SOCS2: variants seen among roughly 807,000 people sequenced by gnomAD.
SOCS2 encodes suppressor of cytokine signaling 2.
In SOCS2, 10 loss-of-function variants were observed where a neutral mutation model predicts 18.6. The observed-to-expected ratio is 0.54, with a 90% CI of 0.33 to 0.91. The LOEUF (loss-of-function observed/expected upper bound fraction) is 0.91. Ranked by LOEUF, SOCS2 falls within the 40% of genes least tolerant of loss-of-function variation. The probability of loss-of-function intolerance (pLI) is 0.02; values close to 1 mark genes in which losing one functional copy is unlikely to be tolerated. For synonymous variants in SOCS2, 104 were observed against 104.0 expected, an observed-to-expected ratio of 1.00 and a Z score of 0.00; for missense variants, 231 against 247.2, an observed-to-expected ratio of 0.93 and a Z score of 0.44.
downstream of SOCS2, among the ~76,000 whole-genome samples, chr12:93,579,961 C>T (rs1366960588): frequency 6.6e-6 from 1 of 152,220 alleles, no homozygotes; most frequent in East Asian, 1.9e-4. Flanking sequence ...GGCATTCTGA[C>T]TTGCCCTAGA....
exon 2 of SOCS2, chr12:93,583,213 A>C (rs1016294685): frequency 6.6e-6 from 1 of 152,102 alleles, no homozygotes; most frequent in Non-Finnish European, 1.5e-5. Flanking sequence ...TTCATTATCA[A>C]GGGATCTGGA....
At chr12:93,581,414 A>ATT (rs1211640539), downstream of SOCS2, among the ~76,000 whole-genome samples, 25 of 144,768 alleles carry the variant, frequency 1.7e-4, no homozygotes, top group Admixed American at 4.1e-4. Flanking sequence ...TCAAGGAATG[A>ATT]TTTTTTTTTT....
At chr12:93,619,656 C>T in the SOCS2 span, among the ~76,000 whole-genome samples, 1 of 152,136 alleles carries the variant, frequency 6.6e-6, no homozygotes, top group Admixed American at 6.5e-5. Flanking sequence ...ATCCTGAGAC[C>T]TTAGAGGTTA....
At chr12:93,612,075 A>C in the SOCS2 span, among the ~76,000 whole-genome samples, 1 of 152,168 alleles carries the variant, frequency 6.6e-6, no homozygotes, top group South Asian at 2.1e-4. Context: ...CTTTGATTCC[A>C]GGAGATGCTA....
chr12:93,603,660 C>T, the SOCS2 span, among the ~76,000 whole-genome samples: 1 of 152,120 alleles, frequency 6.6e-6, no homozygotes, highest in African/African-American at 2.4e-5. Flanking sequence ...ACCTTGTCTT[C>T]CTCCTCATGT....
chr12:93,589,962 G>GTTGAGATGGTT, the SOCS2 span, among the ~76,000 whole-genome samples: 4 of 152,168 alleles, frequency 2.6e-5, no homozygotes, highest in Non-Finnish European at 4.4e-5. Context: ...TTGTTGAGAT[G>GTTGAGATGGTT]GACCTTCCAG....
chr12:93,623,301 C>T, the SOCS2 span, among the ~76,000 whole-genome samples: 31 of 152,308 alleles, frequency 2.0e-4, no homozygotes, highest in African/African-American at 6.3e-4. Context: ...CACCTGCAGC[C>T]ATGATTATAA....
rs760139379 is a variant in SOCS2, at chr12:93,574,710, CA to C, written c.140-7del. On this transcript the variant is annotated splice_polypyrimidine_tract_variant and intron_variant, in intron 1 of 1. Coordinates refer to ENST00000551556, the MANE Select transcript of SOCS2 (RefSeq NM_001270471.2). Reference sequence around the variant, plus strand: ...ACCCTCTTTTCTTTTTCTTTTTGAACAAAAACCCCAGGATGGTACTGGGGAA... The same window carrying C: ...ACCCTCTTTTCTTTTTCTTTTTGAACAAAACCCCAGGATGGTACTGGGGAA... 35 of 1,554,352 alleles carry C rather than the reference CA, an allele frequency of 2.3e-5. No homozygotes were observed. Among genetic ancestry groups the C allele is most frequent in the Non-Finnish European group, 2.7e-5 (31 of 1,152,298 alleles).
Position 93,576,155 on chromosome 12 carries a change from C to G in SOCS2, c.*976C>G, listed in dbSNP as rs1053642. The G allele has an allele frequency of 0.017, 2,613 of 152,706 alleles. 28 individuals are homozygous for G. The highest frequency in any genetic ancestry group is 0.025 in the Non-Finnish European group (1,694 of 68,030). 9.5% of individuals were successfully genotyped at this position (152,706 alleles called of 1,614,324 possible). ...TGTTTTTCAAAGTGTTTATTTACTGCTGTTACTATTTGATTAGAATGTATT... is the reference window on the plus strand; with the variant it reads ...TGTTTTTCAAAGTGTTTATTTACTGGTGTTACTATTTGATTAGAATGTATT... On this transcript the variant is annotated 3_prime_UTR_variant, in exon 2 of 2. Transcript: ENST00000551556.
At chr12:93,614,359 TTCC>T in the SOCS2 span, among the ~76,000 whole-genome samples, 1 of 122,870 alleles carries the variant, frequency 8.1e-6, no homozygotes, top group African/African-American at 4.6e-5. Flanking sequence ...TATAGCAATT[TTCC>T]TTCTTTCTTT....
chr12:93,577,722 G>C (rs530657070), downstream of SOCS2, among the ~76,000 whole-genome samples: 7 of 152,290 alleles, frequency 4.6e-5, no homozygotes, highest in Admixed American at 2.6e-4. Context: ...GCCTGGCCCA[G>C]TGGTTTTTTT....
downstream of SOCS2, among the ~76,000 whole-genome samples, chr12:93,580,034 C>T (rs1238681299): frequency 6.6e-6 from 1 of 152,132 alleles, no homozygotes; most frequent in Admixed American, 6.5e-5. Context: ...AAAGGCTTGC[C>T]AGAGTCCTAG....
the SOCS2 span, among the ~76,000 whole-genome samples, chr12:93,610,408 T>C: frequency 1.3e-5 from 2 of 152,132 alleles, no homozygotes; most frequent in African/African-American, 4.8e-5. Context: ...ATTCATCAGG[T>C]CTGATCTGAA....
At chr12:93,596,598 C>T in the SOCS2 span, among the ~76,000 whole-genome samples, 3 of 152,268 alleles carry the variant, frequency 2.0e-5, no homozygotes, top group South Asian at 2.1e-4. Context: ...GAGGCTGAGG[C>T]GGGCAGATCA....
rs1954332592 is a variant in SOCS2 at position 93,573,364 on chromosome 12, C to A, written c.139+328C>A. The A allele has an allele frequency of 1.0e-5, 5 of 494,160 alleles. No individual in the cohort carries two copies. In the East Asian group the frequency reaches 1.6e-4, roughly 16 times the overall value. 30.6% of individuals were successfully genotyped at this position (494,160 alleles called of 1,614,324 possible). On this transcript the variant is annotated intron_variant, in intron 1 of 1. Transcript: ENST00000551556. The stretch of plus-strand genomic sequence containing the variant: ...AACCCCGGCCGGGGAAAGCGTCGGG[C>A]GCCTCCCTTTGCACGGGGTGCAATC...
the SOCS2 span, among the ~76,000 whole-genome samples, chr12:93,600,792 A>ATT: frequency 2.2e-5 from 3 of 138,520 alleles, no homozygotes; most frequent in African/African-American, 2.6e-5. Context: ...TATTATTTTC[A>ATT]TTTTTTTTTT....
upstream of SOCS2, chr12:93,572,099 C>T (rs1954277544): frequency 5.8e-6 from 1 of 173,462 alleles, no homozygotes; most frequent in African/African-American, 2.4e-5. This position sits in a 1 kb window ranked among gnomAD's most constrained non-coding sequence, Gnocchi z 5.0. Context: ...CCCCCAACCC[C>T]GCCAGAGCGG....
chr12:93,574,602 C>CTTTTT, intron 1 of SOCS2, 120 bp from the exon 2 acceptor site: 1 of 532,774 alleles, frequency 1.9e-6, no homozygotes, highest in Non-Finnish European at 3.0e-6. Flanking sequence ...CACACACCAC[C>CTTTTT]TTTTTTTTTT....
intron 1 of SOCS2, among the ~76,000 whole-genome samples, chr12:93,582,713 G>T (rs1205785552): frequency 6.6e-6 from 1 of 152,192 alleles, no homozygotes; most frequent in African/African-American, 2.4e-5. Context: ...CTAGGAATTG[G>T]AAAACTTGGG....
Sources: allele counts gnomAD v4.1 joint callset (sites outside exome capture counted in the v4.1 genomes callset), GRCh38; gene constraint gnomAD v4.1.1; non-coding constraint Gnocchi (gnomAD v3.1); transcripts MANE v1.5; gene names NCBI Gene and HGNC (gene_info 2026-07-23, HGNC 2026-07-21).